The following WDR70 variants were observed in gnomAD, a reference collection of about 807,000 sequenced individuals.
WDR70 encodes the protein WD repeat domain 70.
Under a neutral mutation model 88.6 loss-of-function variants are expected in WDR70, and 53 were observed. That is an observed-to-expected ratio of 0.60 (90% CI 0.48 to 0.75). The LOEUF (loss-of-function observed/expected upper bound fraction) is 0.75. Ranked by LOEUF, WDR70 falls within the 30% of genes least tolerant of loss-of-function variation. WDR70 has a pLI of 0.00. For synonymous variants in WDR70, 280 were observed against 270.0 expected, an observed-to-expected ratio of 1.04 and a Z score of -0.36; for missense variants, 610 against 823.2, an observed-to-expected ratio of 0.74 and a Z score of 3.17.
intron 8 of WDR70, among the ~76,000 whole-genome samples, chr5:37,484,402 A>G (rs1473312843): frequency 2.0e-5 from 3 of 152,206 alleles, no homozygotes; most frequent in African/African-American, 4.8e-5. Flanking sequence ...AAAAAATATG[A>G]AAACCAGTCA....
intron 10 of WDR70, among the ~76,000 whole-genome samples, chr5:37,683,132 C>A (rs1746488084): frequency 6.6e-6 from 1 of 151,996 alleles, no homozygotes; most frequent in Non-Finnish European, 1.5e-5. Context: ...TTTTAAAATC[C>A]ATTTTGTCTG....
intron 17 of WDR70, 85 bp downstream of exon 17, chr5:37,727,130 C>A: frequency 6.7e-7 from 1 of 1,482,346 alleles, no homozygotes; most frequent in Non-Finnish European, 9.0e-7. Flanking sequence ...TGAGTTCTAA[C>A]TTCTCTATTT....
chr5:37,500,509 T>C (rs1211277978), intron 8 of WDR70, among the ~76,000 whole-genome samples: 1 of 152,168 alleles, frequency 6.6e-6, no homozygotes, highest in Non-Finnish European at 1.5e-5. Flanking sequence ...AATCTCCATA[T>C]TGTTTTCCAT....
At chr5:37,724,874 A>G in intron 15 of WDR70, 60 bp from the exon 16 acceptor site, 2 of 1,402,882 alleles carry the variant, frequency 1.4e-6, no homozygotes, top group Non-Finnish European at 2.0e-6. Context: ...TGCTTTAACT[A>G]TGTTTTTGGA....
intron 9 of WDR70, among the ~76,000 whole-genome samples, chr5:37,570,420 G>A (rs576346316): frequency 6.6e-6 from 1 of 152,198 alleles, no homozygotes; most frequent in African/African-American, 2.4e-5. Context: ...TTTTGCCTCT[G>A]AAACTCAGAA....
At chr5:37,488,164 T>A (rs1739953057) in intron 8 of WDR70, among the ~76,000 whole-genome samples, 1 of 150,024 alleles carries the variant, frequency 6.7e-6, no homozygotes, top group Non-Finnish European at 1.5e-5. Context: ...AGGAATCCAC[T>A]GTTAAGTCTG....
intron 9 of WDR70, among the ~76,000 whole-genome samples, chr5:37,598,013 C>CA (rs1240766038): frequency 5.9e-5 from 9 of 152,162 alleles, no homozygotes; most frequent in Non-Finnish European, 1.3e-4. Flanking sequence ...AGGTATGACT[C>CA]AAAGTTGATT....
Position 37,582,023 on chromosome 5 carries a change from C to A in WDR70, c.918-23041C>A, listed in dbSNP as rs534584479. 1.8e-3 allele frequency among the ~76,000 whole-genome samples: 269 copies of A among 152,020 alleles called. 1 individual carries two copies. Among genetic ancestry groups the A allele is most frequent in the African/African-American group, 6.3e-3 (261 of 41,484 alleles). ...TGTTTGAAAACTTAAAAAAAAAAATCTTTAGTAGTACCTGTCTTACTAGGA... is the reference window on the plus strand; with the variant it reads ...TGTTTGAAAACTTAAAAAAAAAAATATTTAGTAGTACCTGTCTTACTAGGA... On this transcript the variant is annotated intron_variant, in intron 9 of 17. Transcript: ENST00000265107.
chr5:37,448,847 C>T (rs1738577162), intron 7 of WDR70, among the ~76,000 whole-genome samples: 1 of 152,078 alleles, frequency 6.6e-6, no homozygotes, highest in Admixed American at 6.6e-5. Context: ...ATGACCATGA[C>T]AGTTTTGAGG....
At chr5:37,416,356 C>T (rs976126585) in intron 5 of WDR70, among the ~76,000 whole-genome samples, 18 of 152,276 alleles carry the variant, frequency 1.2e-4, no homozygotes, top group African/African-American at 3.8e-4. Flanking sequence ...CAAAAAAATA[C>T]GAAAACCAGT....
intron 17 of WDR70, among the ~76,000 whole-genome samples, chr5:37,748,784 A>T (rs887995381): frequency 6.6e-6 from 1 of 152,236 alleles, no homozygotes; most frequent in Non-Finnish European, 1.5e-5. Flanking sequence ...AAAACCCATC[A>T]AAAAGTGGGC....
In WDR70 at chr5:37,459,082, G is replaced by T. The variant is rs552941137; in HGVS notation, c.686+15710G>T. Among the ~76,000 whole-genome samples, 18 of 43,440 alleles carry T rather than the reference G, an allele frequency of 4.1e-4. No homozygotes were observed. The East Asian group carries it at 0.011, about 26-fold the overall frequency. The allele number at this position is 43,440 out of a possible 152,430, so 28.5% of individuals were successfully genotyped here. A position where few individuals can be genotyped will look rare whatever the true frequency, so the allele number is the denominator to read the frequency against. On this transcript the variant is annotated intron_variant, in intron 7 of 17. Transcript: ENST00000265107. ...TTTATTTCTGCCTTCATTTCGTTAT[G>T]TACCCAGTAGTCATTCAGGAGCAGG...
chr5:37,658,250 CG>C (rs1311705069), intron 10 of WDR70, among the ~76,000 whole-genome samples: 2 of 151,318 alleles, frequency 1.3e-5, no homozygotes, highest in Admixed American at 6.6e-5. Context: ...TATAAGTAGA[CG>C]CTGCAGTTCA....
chr5:37,672,453 TAGG>T (rs1746055573), intron 10 of WDR70, among the ~76,000 whole-genome samples: 1 of 152,130 alleles, frequency 6.6e-6, no homozygotes, highest in South Asian at 2.1e-4. Context: ...TGTTCTGAGA[TAGG>T]AGAAAACCAC....
chr5:37,542,265 T>TTTC (rs936266699), intron 9 of WDR70, among the ~76,000 whole-genome samples: 35 of 150,566 alleles, frequency 2.3e-4, no homozygotes, highest in South Asian at 1.0e-3. Context: ...GCTTTAGTTT[T>TTTC]TTCTTCTTCT....
intron 13 of WDR70, among the ~76,000 whole-genome samples, chr5:37,717,490 G>C (rs1217951872): frequency 2.0e-5 from 3 of 152,170 alleles, no homozygotes; most frequent in African/African-American, 7.2e-5. Context: ...CCTTAGGTCT[G>C]AATGTGTCAC....
intron 13 of WDR70, among the ~76,000 whole-genome samples, chr5:37,714,959 G>A (rs1208295292): frequency 6.6e-6 from 1 of 152,032 alleles, no homozygotes; most frequent in African/African-American, 2.4e-5. Context: ...TCTTTAAGCA[G>A]GTTTATTATC....
At chr5:37,585,842 A>G (rs16903675) in intron 9 of WDR70, among the ~76,000 whole-genome samples, 7,357 of 152,118 alleles carry the variant, frequency 0.048, 585 homozygotes, top group African/African-American at 0.16. Context: ...TGCCTTTCCA[A>G]GGTTTACAGA....
At chr5:37,622,668 A>C (rs1227618722) in intron 10 of WDR70, among the ~76,000 whole-genome samples, 1 of 151,618 alleles carries the variant, frequency 6.6e-6, no homozygotes, top group Non-Finnish European at 1.5e-5. Flanking sequence ...GCATGTTCTC[A>C]CTCATAGGTG....
Sources: gnomAD v4.1 joint callset for allele counts (sites outside exome capture counted in the v4.1 genomes callset) on GRCh38, gnomAD v4.1.1 for gene constraint, MANE v1.5 for transcripts, NCBI Gene and HGNC (gene_info 2026-07-23, HGNC 2026-07-21) for gene names.